The following SHB variants were observed in gnomAD, a reference collection of about 807,000 sequenced individuals.
The protein encoded by SHB is SH2 domain-containing adapter protein B.
In SHB, 20 loss-of-function variants were observed where a neutral mutation model predicts 52.3. The ratio of observed to expected loss-of-function variants is 0.38; its 90% CI spans 0.27 to 0.56. The LOEUF (loss-of-function observed/expected upper bound fraction) is 0.56, where lower values mean the gene tolerates loss of function less well. SHB is among the 20% of genes least tolerant of loss of function. SHB has a pLI of 0.71. For missense variants in SHB, 825 were observed against 723.3 expected (o/e 1.14, Z -1.61); for synonymous variants, 397 against 316.5 (o/e 1.25, Z -2.70).
intron 2 of SHB, among the ~76,000 whole-genome samples, chr9:37,982,088 A>G (rs1184768936): frequency 6.6e-6 from 1 of 150,696 alleles, no homozygotes; most frequent in Non-Finnish European, 1.5e-5. Flanking sequence ...ACAAACCTTC[A>G]TTTTGTAAAA....
chr9:37,959,917 C>T (rs1306402721), intron 3 of SHB, among the ~76,000 whole-genome samples: 3 of 152,098 alleles, frequency 2.0e-5, no homozygotes, highest in South Asian at 2.1e-4. Context: ...AGCCCATTAC[C>T]GGCAACATAA....
At chr9:37,963,713 C>A (rs994929765) in intron 3 of SHB, among the ~76,000 whole-genome samples, 2 of 152,068 alleles carry the variant, frequency 1.3e-5, no homozygotes, top group Non-Finnish European at 2.9e-5. Context: ...CAGGAAGGGG[C>A]AAGGAGGGGA....
chr9:37,917,476 G>A lies in SHB; in HGVS notation c.*2345C>T, dbSNP rs149274311. ...AAGATGGTCTACAGGGAAGGACCGT[G>A]AGGTGCGGCCCCACCCAGCAGCCTC... On this transcript the variant is annotated 3_prime_UTR_variant, in exon 6 of 6. Transcript: ENST00000377707. Among the ~76,000 whole-genome samples, 474 of 152,334 alleles carry A rather than the reference G, an allele frequency of 3.1e-3. 1 individual carries two copies. Among genetic ancestry groups the A allele is most frequent in the African/African-American group, 0.011 (453 of 41,576 alleles).
intron 3 of SHB, among the ~76,000 whole-genome samples, chr9:37,956,445 G>A (rs1832635765): frequency 1.3e-5 from 2 of 152,178 alleles, no homozygotes; most frequent in African/African-American, 4.8e-5. Flanking sequence ...CTGCCTCCAA[G>A]TGGCTCCTCT....
At position 37,992,506 on chromosome 9, in the gene SHB, T is replaced by C. The variant is rs1019807636; in HGVS notation, c.839-17669A>G. Among the ~76,000 whole-genome samples the C allele has an allele frequency of 4.6e-5, 7 of 152,192 alleles. No homozygotes were observed. In the South Asian group the frequency reaches 1.4e-3, roughly 32 times the overall value. ...GGGGCTAGGTAAGTGTGTCACCTGC[T>C]CAAGTACCACTAGGCTAAAGAGGCT... On this transcript the variant is annotated intron_variant, in intron 2 of 5. Transcript: ENST00000377707.
intron 3 of SHB, among the ~76,000 whole-genome samples, chr9:37,957,450 T>C (rs974286298): frequency 3.3e-5 from 5 of 152,098 alleles, no homozygotes; most frequent in African/African-American, 1.2e-4. Flanking sequence ...GGGGCATTTC[T>C]GTCCCTCTAA....
intron 3 of SHB, among the ~76,000 whole-genome samples, chr9:37,971,898 T>C (rs1490132620): frequency 6.6e-6 from 1 of 152,204 alleles, no homozygotes; most frequent in Non-Finnish European, 1.5e-5. Flanking sequence ...TCTTCAAAGA[T>C]GATGTCCAAT....
intron 1 of SHB, among the ~76,000 whole-genome samples, chr9:38,043,003 T>C (rs1327745582): frequency 6.6e-6 from 1 of 152,100 alleles, no homozygotes; most frequent in Non-Finnish European, 1.5e-5. Flanking sequence ...GTCCTCTACC[T>C]TTCTCACCAG....
Position 37,918,754 on chromosome 9 carries a change from G to A in SHB, c.*1067C>T, listed in dbSNP as rs1832136409. 6.6e-6 allele frequency among the ~76,000 whole-genome samples: 1 copy of A among 152,242 alleles called. No homozygotes were observed. Among genetic ancestry groups the A allele is most frequent in the African/African-American group, 2.4e-5 (1 of 41,470 alleles). On this transcript the variant is annotated 3_prime_UTR_variant, in exon 6 of 6. Transcript: ENST00000377707. ...CTCCCAGGTGGTGCTAACAGATAGT[G>A]GGGAGAGAGCCCTTTGTAGCCAGCT...
chr9:37,947,714 G>C (rs1387949738), intron 5 of SHB, among the ~76,000 whole-genome samples: 1 of 152,196 alleles, frequency 6.6e-6, no homozygotes, highest in Non-Finnish European at 1.5e-5. Context: ...TACAGGGCCG[G>C]CATGTGTGTG....
chr9:38,024,442 C>A (rs1821317107), intron 1 of SHB, among the ~76,000 whole-genome samples: 1 of 152,234 alleles, frequency 6.6e-6, no homozygotes, highest in South Asian at 2.1e-4. Context: ...AGCTGCTTGC[C>A]TAGACACCTG....
intron 1 of SHB, among the ~76,000 whole-genome samples, chr9:38,029,126 T>C (rs1821382154): frequency 6.6e-6 from 1 of 152,186 alleles, no homozygotes; most frequent in Non-Finnish European, 1.5e-5. Flanking sequence ...ACCACAGCCT[T>C]TGCCTTGAAA....
chr9:37,938,881 C>T (rs988936351), intron 5 of SHB, among the ~76,000 whole-genome samples: 7 of 152,158 alleles, frequency 4.6e-5, no homozygotes, highest in Middle Eastern at 3.2e-3. Flanking sequence ...CTTGCCTCTG[C>T]GTTTTAGGCA....
chr9:38,059,913 G>GA (rs1216971168), intron 1 of SHB, among the ~76,000 whole-genome samples: 1 of 152,206 alleles, frequency 6.6e-6, no homozygotes, highest in East Asian at 1.9e-4. Context: ...GTGGCTCTGA[G>GA]AAGCAAACAA....
In SHB at chr9:37,952,032, T is replaced by A. The variant is rs146807083; in HGVS notation, c.1227-3278A>T. 2.4e-3 allele frequency among the ~76,000 whole-genome samples: 363 copies of A among 152,174 alleles called. 1 individual carries two copies. Among genetic ancestry groups the A allele is most frequent in the African/African-American group, 8.3e-3 (346 of 41,506 alleles). ...GCCAGTCAGGTCAGAACCAGGGGGA[T>A]TAGGGAGACTCAACTATCGTCCTTC... is the stretch of plus-strand genomic sequence containing the variant. On this transcript the variant is annotated intron_variant, in intron 4 of 5. Transcript: ENST00000377707.
chr9:37,972,436 G>A (rs1039792781), intron 3 of SHB, among the ~76,000 whole-genome samples: 34 of 152,158 alleles, frequency 2.2e-4, no homozygotes, highest in Admixed American at 2.1e-3. Flanking sequence ...TTTGGCTCTC[G>A]GCCAGGGGCT....
chr9:37,966,090 C>T (rs1389565028), intron 3 of SHB, among the ~76,000 whole-genome samples: 1 of 152,212 alleles, frequency 6.6e-6, no homozygotes, highest in Non-Finnish European at 1.5e-5. Flanking sequence ...CCACCCGCCA[C>T]AGCCTCCCAA....
At chr9:38,037,669 C>A (rs1230555761) in intron 1 of SHB, among the ~76,000 whole-genome samples, 1 of 152,146 alleles carries the variant, frequency 6.6e-6, no homozygotes, top group South Asian at 2.1e-4. Context: ...ATCGATTCAG[C>A]CCCCATGTAC....
At chr9:38,056,237 C>G (rs1474035713) in intron 1 of SHB, among the ~76,000 whole-genome samples, 1 of 152,012 alleles carries the variant, frequency 6.6e-6, no homozygotes, top group Non-Finnish European at 1.5e-5. Context: ...ACAACCATAC[C>G]TCATACAATG....
Sources: allele counts gnomAD v4.1 joint callset (sites outside exome capture counted in the v4.1 genomes callset), GRCh38; gene constraint gnomAD v4.1.1; transcripts MANE v1.5; gene names NCBI Gene and HGNC (gene_info 2026-07-23, HGNC 2026-07-21).